The following DNAH5 variants were observed in gnomAD, a reference collection of about 807,000 sequenced individuals.
DNAH5 encodes axonemal beta dynein heavy chain 5.
Under a neutral mutation model 518.2 loss-of-function variants are expected in DNAH5, and 372 were observed. The ratio of observed to expected loss-of-function variants is 0.72; its 90% confidence interval spans 0.66 to 0.78. DNAH5 has a LOEUF of 0.78. Among genes scored for constraint, DNAH5 ranks in the 30% least tolerant of loss-of-function variants. The pLI is 0.00. For missense variants in DNAH5, 5,523 were observed against 5,687.0 expected (o/e 0.97, Z 0.93); for synonymous variants, 2,039 against 2,025.9 (o/e 1.01, Z -0.17).
chr5:13,821,190 AT>A (rs1269435572), intron 40 of DNAH5, among the ~76,000 whole-genome samples: 2 of 152,292 alleles, frequency 1.3e-5, no homozygotes, highest in East Asian at 3.9e-4. Flanking sequence ...AACTGAAAAC[AT>A]TTATATAAAT....
At chr5:13,750,299 T>C (rs1327455019) in intron 65 of DNAH5, among the ~76,000 whole-genome samples, 1 of 152,206 alleles carries the variant, frequency 6.6e-6, no homozygotes, top group Non-Finnish European at 1.5e-5. Flanking sequence ...ATAGCAATGT[T>C]AAGAGTTCGT....
At chr5:13,999,081 A>G (rs539467840) in intron 1 of DNAH5, among the ~76,000 whole-genome samples, 3 of 152,364 alleles carry the variant, frequency 2.0e-5, no homozygotes, top group African/African-American at 7.2e-5. Context: ...AATGTTGGCC[A>G]GACTGGTCTC....
At chr5:13,806,904 C>G (rs944854506) in intron 47 of DNAH5, among the ~76,000 whole-genome samples, 1 of 152,002 alleles carries the variant, frequency 6.6e-6, no homozygotes, top group African/African-American at 2.4e-5. Context: ...GATTTTATAC[C>G]TTGTTGCAAT....
intron 35 of DNAH5, among the ~76,000 whole-genome samples, chr5:13,833,765 G>T (rs978317221): frequency 6.6e-6 from 1 of 152,204 alleles, no homozygotes. Context: ...AATTTCTTCT[G>T]CCTTCTGCTT....
At chr5:13,906,073 CA>C (rs1181625395) in intron 12 of DNAH5, among the ~76,000 whole-genome samples, 1 of 152,144 alleles carries the variant, frequency 6.6e-6, no homozygotes, top group Non-Finnish European at 1.5e-5. Flanking sequence ...GGCAAAACTA[CA>C]TAGACAGTAA....
At chr5:13,812,512 C>T (rs895286641) in intron 43 of DNAH5, among the ~76,000 whole-genome samples, 9 of 152,198 alleles carry the variant, frequency 5.9e-5, no homozygotes, top group Non-Finnish European at 8.8e-5. Context: ...TGCCATATTG[C>T]CCAGGCTAGT....
intron 42 of DNAH5, among the ~76,000 whole-genome samples, chr5:13,816,063 G>C (rs1170205961): frequency 1.3e-5 from 2 of 152,154 alleles, no homozygotes; most frequent in African/African-American, 4.8e-5. Flanking sequence ...CCCAGAGAAG[G>C]AAGGGTTTCA....
Position 13,867,790 on chromosome 5 carries a change from T to A in DNAH5, c.4037A>T (p.Tyr1346Phe), listed in dbSNP as rs1000251156. 5.6e-6 allele frequency: 9 copies of A among 1,613,684 alleles called. No homozygotes were observed. Among genetic ancestry groups the A allele is most frequent in the Non-Finnish European group, 7.6e-6 (9 of 1,179,798 alleles). Residue 1346 changes from tyrosine (Y) to phenylalanine (F), a missense_variant, in exon 25 of 79, where the codon TAT (tyrosine) becomes TTT (phenylalanine). By Grantham distance (22) the Tyr-to-Phe change is conservative (BLOSUM62 3). Coordinates refer to ENST00000265104, the MANE Select transcript of DNAH5 (RefSeq NM_001369.3). The part of the protein sequence containing the change: ...EVFLQDCHQF[Y>F]LDYDLNGPMA... ...GAGACATACCAAATCATAGTCCAGA[T>A]AAAACTGGTGACAATCTTGGAGGAA...
Position 13,864,633 on chromosome 5 carries a change from G to A in DNAH5, c.4360C>T (p.Arg1454Ter), listed in dbSNP as rs148139814. 8.4e-5 allele frequency: 136 copies of A among 1,614,056 alleles called. 1 individual carries two copies. The highest frequency in any genetic ancestry group is 4.0e-5 in the African/African-American group (3 of 75,022). The change falls in exon 28 of 79, where the codon CGA becomes TGA. Residue 1454 changes from arginine to a stop codon, truncating the protein, a stop_gained. Transcript: ENST00000265104. LOFTEE classifies it high-confidence loss of function. Reference sequence around the variant, plus strand: ...TCCTTCAAGGCCCGGGGAAGCTTTCGACATCTGTGAAGGGACACCAACATG... The same window carrying A: ...TCCTTCAAGGCCCGGGGAAGCTTTCAACATCTGTGAAGGGACACCAACATG... ...NELLEFQNRC[R>*]KLPRALKDWQ...
intron 31 of DNAH5, among the ~76,000 whole-genome samples, chr5:13,849,411 G>C (rs189886531): frequency 6.6e-6 from 1 of 152,328 alleles, no homozygotes; most frequent in East Asian, 1.9e-4. Flanking sequence ...GCTGTGATAA[G>C]AAAGCAGATG....
At chr5:13,802,242 G>A (rs189094446) in intron 47 of DNAH5, among the ~76,000 whole-genome samples, 2 of 152,160 alleles carry the variant, frequency 1.3e-5, no homozygotes, top group Non-Finnish European at 2.9e-5. Flanking sequence ...TACACACATA[G>A]GATATCATTA....
In DNAH5 at chr5:13,807,664, G is replaced by A; in HGVS notation, c.7814C>T (p.Ser2605Leu). ...AKTVIIKGFMSKYDPECHMIK... is the reference protein window; with the variant it reads ...AKTVIIKGFMLKYDPECHMIK... ...CATGTGACATTCAGGATCATATTTTGACATAAATCCTTTAATTATTACTGT... is the reference window on the plus strand; with the variant it reads ...CATGTGACATTCAGGATCATATTTTAACATAAATCCTTTAATTATTACTGT... The change falls in exon 47 of 79, where the codon TCA (serine) becomes TTA (leucine). Residue 2605 changes from serine (S) to leucine (L), a missense_variant. Ser to Leu is a moderately radical substitution (Grantham distance 145). Transcript: ENST00000265104. The A allele has an allele frequency of 6.2e-7, 1 of 1,610,980 alleles. No homozygotes were observed. The highest frequency in any genetic ancestry group is 8.5e-7 in the Non-Finnish European group (1 of 1,177,964).
chr5:13,786,674 G>C (rs139641439), intron 51 of DNAH5, among the ~76,000 whole-genome samples: 1 of 152,148 alleles, frequency 6.6e-6, no homozygotes, highest in Non-Finnish European at 1.5e-5. Flanking sequence ...GTCAAGTGCT[G>C]AATGTCAGAA....
chr5:13,843,386 G>A (rs1315108575), intron 32 of DNAH5, among the ~76,000 whole-genome samples: 2 of 152,110 alleles, frequency 1.3e-5, no homozygotes, highest in African/African-American at 4.8e-5. Flanking sequence ...AATGCACCTG[G>A]CCTTTGGAAT....
chr5:13,782,196 G>A (rs1755264995), intron 52 of DNAH5, among the ~76,000 whole-genome samples: 2 of 152,150 alleles, frequency 1.3e-5, no homozygotes, highest in South Asian at 4.1e-4. Context: ...GGACTGGAAG[G>A]GGTCACTTCT....
At position 13,735,261 on chromosome 5, in the gene DNAH5, G is replaced by A. The variant is rs776957889; in HGVS notation, c.11631C>T (p.Tyr3877=). The change falls in exon 68 of 79, where the codon TAC becomes TAT. Residue 3877 remains tyrosine (Y), a synonymous_variant. Transcript: ENST00000265104. Reference sequence around the variant, plus strand: ...CTCGGGCAGCATACTTATAAACCTCGTAGGTCATGTGCTCGATGATATTAG... The same window carrying A: ...CTCGGGCAGCATACTTATAAACCTCATAGGTCATGTGCTCGATGATATTAG... ...RIANIIEHMT[Y]EVYKYAARGL... 1.1e-5 allele frequency: 18 copies of A among 1,613,940 alleles called. No individual in the cohort carries two copies. The highest frequency in any genetic ancestry group is 8.3e-5 in the Admixed American group (5 of 59,984).
chr5:13,792,988 ATTGT>A (rs1261300997), intron 49 of DNAH5, among the ~76,000 whole-genome samples: 1 of 152,208 alleles, frequency 6.6e-6, no homozygotes, highest in Non-Finnish European at 1.5e-5. Flanking sequence ...TTGGCTAGTG[ATTGT>A]TCGACTAAAT....
chr5:13,900,974 T>A (rs1774526833), intron 14 of DNAH5, among the ~76,000 whole-genome samples: 1 of 152,240 alleles, frequency 6.6e-6, no homozygotes, highest in African/African-American at 2.4e-5. Context: ...CAAGATATCC[T>A]AATAGATTGG....
intron 76 of DNAH5, among the ~76,000 whole-genome samples, chr5:13,702,650 A>G (rs78309304): frequency 0.03 from 4,628 of 152,102 alleles, 215 homozygotes; most frequent in African/African-American, 0.098. Flanking sequence ...TCTGGCATGG[A>G]CAATGGATTT....
Sources: allele counts gnomAD v4.1 joint callset (sites outside exome capture counted in the v4.1 genomes callset), GRCh38; gene constraint gnomAD v4.1.1; transcripts MANE v1.5; gene names NCBI Gene and HGNC (gene_info 2026-07-23, HGNC 2026-07-21).